PAK1: variants seen among roughly 807,000 people sequenced by gnomAD.
PAK1 encodes serine/threonine-protein kinase PAK 1.
A neutral mutation model predicts 67.4 loss-of-function variants in PAK1; 29 were observed. The observed-to-expected ratio is 0.43, with a 90% CI of 0.32 to 0.59. PAK1 has a LOEUF of 0.59. Among genes scored for constraint, PAK1 ranks in the 20% least tolerant of loss-of-function variants. The probability of loss-of-function intolerance (pLI) is 0.07; values close to 1 mark genes in which losing one functional copy is unlikely to be tolerated. For missense variants in PAK1, 337 were observed against 670.7 expected, an observed-to-expected ratio of 0.50 and a Z score of 5.50; for synonymous variants, 223 against 237.4, an observed-to-expected ratio of 0.94 and a Z score of 0.56.
chr11:77,408,049 G>C (rs1420704501), intron 1 of PAK1: 1 of 152,214 alleles, frequency 6.6e-6, no homozygotes, highest in Non-Finnish European at 1.5e-5. Flanking sequence ...ATCACCTTCA[G>C]AGAAGACTTA....
chr11:77,415,976 GTATTAT>G lies in PAK1; in HGVS notation c.-21-23441_-21-23436del, dbSNP rs71043573. ...TTCTATATGCTTTTTTGTATTCTTT[GTATTAT>G]TATTATTATTATTAGAGACAGAGTC... On this transcript the variant is annotated intron_variant, in intron 1 of 14. Coordinates refer to ENST00000356341, the MANE Select transcript of PAK1 (RefSeq NM_002576.5). Among the ~76,000 whole-genome samples, 15 of 147,446 alleles carry G rather than the reference GTATTAT, an allele frequency of 1.0e-4. No homozygotes were observed. The South Asian group carries it at 1.3e-3, about 13-fold the overall frequency.
At chr11:77,401,139 G>A (rs990864283) in intron 1 of PAK1, among the ~76,000 whole-genome samples, 3 of 152,194 alleles carry the variant, frequency 2.0e-5, no homozygotes, top group African/African-American at 4.8e-5. Flanking sequence ...GCTGCAACTG[G>A]CATGACCAAC....
chr11:77,349,415 C>A, intron 8 of PAK1, 128 bp from the exon 9 acceptor site: 1 of 723,008 alleles, frequency 1.4e-6, no homozygotes. Context: ...AATCCTCTCC[C>A]TGCAGCATCC....
the PAK1 span, among the ~76,000 whole-genome samples, chr11:77,507,791 A>G: frequency 6.6e-6 from 1 of 152,172 alleles, no homozygotes; most frequent in Admixed American, 6.6e-5. Flanking sequence ...CTCCCAAAGC[A>G]CTGGGATTAC....
At chr11:77,464,896 A>G (rs993183046) in intron 1 of PAK1, among the ~76,000 whole-genome samples, 5 of 152,166 alleles carry the variant, frequency 3.3e-5, no homozygotes, top group Non-Finnish European at 4.4e-5. Flanking sequence ...CTGAATGCAT[A>G]TTGCTTTTAC....
At chr11:77,408,788 A>C (rs1004597140) in intron 1 of PAK1, among the ~76,000 whole-genome samples, 1 of 151,978 alleles carries the variant, frequency 6.6e-6, no homozygotes, top group Non-Finnish European at 1.5e-5. Flanking sequence ...ACTTAATAGC[A>C]AAAAAAACAA....
rs183579929 is a variant in PAK1 at position 77,385,339 on chromosome 11, C to A, written c.191-5345G>T. Among the ~76,000 whole-genome samples the A allele has an allele frequency of 9.3e-4, 142 of 152,318 alleles. 3 individuals carry two copies. The highest frequency in any genetic ancestry group is 3.3e-3 in the African/African-American group (139 of 41,584). ...AAACTCAATAGAAAAACCTTCATGT[C>A]TCTGAGTAGGTAAAGATTTCAAAAA... On this transcript the variant is annotated intron_variant, in intron 2 of 14. Transcript: ENST00000356341.
At chr11:77,437,762 GTT>G (rs1202460560) in intron 1 of PAK1, among the ~76,000 whole-genome samples, 1 of 152,102 alleles carries the variant, frequency 6.6e-6, no homozygotes, top group African/African-American at 2.4e-5. Context: ...TCAAACAAAA[GTT>G]CTCTCGTGAA....
At chr11:77,523,890 C>T in the PAK1 span, among the ~76,000 whole-genome samples, 2 of 152,136 alleles carry the variant, frequency 1.3e-5, no homozygotes, top group Non-Finnish European at 2.9e-5. Context: ...AGATCACGGC[C>T]TTGTGTAATC....
intron 1 of PAK1, among the ~76,000 whole-genome samples, chr11:77,454,629 TG>T (rs1957004605): frequency 6.6e-6 from 1 of 152,200 alleles, no homozygotes; most frequent in African/African-American, 2.4e-5. Flanking sequence ...CACAGATTCC[TG>T]GGCCCCACAC....
the PAK1 span, among the ~76,000 whole-genome samples, chr11:77,485,787 T>C: frequency 3.3e-5 from 5 of 152,196 alleles, no homozygotes; most frequent in East Asian, 3.8e-4. Flanking sequence ...AACTTCTTAA[T>C]GTAAAATTAA....
rs554280128 is a variant in PAK1, at chr11:77,436,715, G to A, written c.-22+36837C>T. On this transcript the variant is annotated intron_variant, in intron 1 of 14. Coordinates refer to ENST00000356341, the MANE Select transcript of PAK1 (RefSeq NM_002576.5). Reference sequence around the variant, plus strand: ...CAGTGCCAATCAGGAAGTAAGATATGCGTGGGAAAGCACATATGCAGAAGA... The same window carrying A: ...CAGTGCCAATCAGGAAGTAAGATATACGTGGGAAAGCACATATGCAGAAGA... Among the ~76,000 whole-genome samples, 9 of 152,302 alleles carry A rather than the reference G, an allele frequency of 5.9e-5. No homozygotes were observed. In the South Asian group the frequency reaches 1.9e-3, roughly 32 times the overall value.
chr11:77,486,878 G>C, the PAK1 span, among the ~76,000 whole-genome samples: 1 of 142,118 alleles, frequency 7.0e-6, no homozygotes, highest in Non-Finnish European at 1.5e-5. Context: ...CTAAGCCACA[G>C]GACTGCAATT....
intron 1 of PAK1, among the ~76,000 whole-genome samples, chr11:77,393,838 A>G (rs1740048046): frequency 1.3e-5 from 2 of 152,100 alleles, no homozygotes; most frequent in South Asian, 4.1e-4. Flanking sequence ...CCCCCTCTCC[A>G]CTAAAAATAC....
chr11:77,373,775 C>A (rs1199281707), intron 5 of PAK1, among the ~76,000 whole-genome samples: 1 of 152,118 alleles, frequency 6.6e-6, no homozygotes, highest in African/African-American at 2.4e-5. Flanking sequence ...TCAAAGCATT[C>A]ATTACAACTT....
chr11:77,514,143 T>C, the PAK1 span, among the ~76,000 whole-genome samples: 2 of 152,204 alleles, frequency 1.3e-5, no homozygotes, highest in Admixed American at 6.5e-5. Flanking sequence ...CTATTCCTTT[T>C]GAAGTTATTC....
chr11:77,454,988 TTC>T (rs1052641054), intron 1 of PAK1, among the ~76,000 whole-genome samples: 10 of 150,440 alleles, frequency 6.6e-5, no homozygotes, highest in Admixed American at 6.6e-5. Context: ...CTCTCTCCCT[TTC>T]TCTCTCTCTC....
At chr11:77,379,205 C>G in intron 4 of PAK1, 36 bp downstream of exon 4, 1 of 1,544,754 alleles carries the variant, frequency 6.5e-7, no homozygotes, top group Non-Finnish European at 8.8e-7. Context: ...TTAAAACCAT[C>G]TCTTGCTGAG....
chr11:77,459,427 AAACT>A (rs1232391322), intron 1 of PAK1, among the ~76,000 whole-genome samples: 2 of 152,230 alleles, frequency 1.3e-5, no homozygotes. Context: ...TACAGAGATA[AAACT>A]AACAAGGCTT....
Sources: allele counts gnomAD v4.1 joint callset (sites outside exome capture counted in the v4.1 genomes callset), GRCh38; gene constraint gnomAD v4.1.1; transcripts MANE v1.5; gene names NCBI Gene and HGNC (gene_info 2026-07-23, HGNC 2026-07-21).